PTPRG: variants seen among roughly 807,000 people sequenced by gnomAD.
The protein encoded by PTPRG is protein tyrosine phosphatase receptor type G, also known as receptor-type tyrosine-protein phosphatase gamma.
PTPRG carries 102 observed loss-of-function variants against 165.3 expected under a neutral mutation model. That is an observed-to-expected ratio of 0.62 (90% CI 0.53 to 0.73). The LOEUF is 0.73. PTPRG is among the 30% of genes least tolerant of loss of function. PTPRG has a pLI of 0.00. For synonymous variants in PTPRG, 675 were observed against 669.5 expected (o/e 1.01, Z -0.13); for missense variants, 1,866 against 1,861.4 (o/e 1.00, Z -0.05).
chr3:61,653,306 C>A (rs917615125), intron 1 of PTPRG, among the ~76,000 whole-genome samples: 3 of 151,994 alleles, frequency 2.0e-5, no homozygotes, highest in African/African-American at 4.8e-5. Flanking sequence ...TTCCCCATTT[C>A]TTTAAATTAT....
At chr3:62,123,956 AC>A (rs950321634) in intron 5 of PTPRG, among the ~76,000 whole-genome samples, 9 of 152,304 alleles carry the variant, frequency 5.9e-5, no homozygotes, top group African/African-American at 2.2e-4. Context: ...TATGAAAAAA[AC>A]CTTCCAACTG....
At chr3:61,867,645 CT>C (rs2037447660) in intron 2 of PTPRG, among the ~76,000 whole-genome samples, 1 of 152,098 alleles carries the variant, frequency 6.6e-6, no homozygotes, top group African/African-American at 2.4e-5. Flanking sequence ...GTTCCTATCT[CT>C]TGACAATCTA....
intron 2 of PTPRG, among the ~76,000 whole-genome samples, chr3:61,789,027 CATTTA>C (rs1356719483): frequency 6.6e-6 from 1 of 152,128 alleles, no homozygotes; most frequent in African/African-American, 2.4e-5. Context: ...TTTTTTCTTA[CATTTA>C]ATTTAACAAT....
In PTPRG at chr3:61,592,641, C is replaced by CTTTTT. The variant is rs773860673; in HGVS notation, c.85+30272_85+30273insTTTTT. ...CTTTTCTCTCTCTTTTTCTTTCTTT[C>CTTTTT]TTTCTTTCTTTTTTTTTTTTTTTAA... is the stretch of plus-strand genomic sequence containing the variant. On this transcript the variant is annotated intron_variant, in intron 1 of 29. Coordinates refer to ENST00000474889, the MANE Select transcript of PTPRG (RefSeq NM_002841.4). Among the ~76,000 whole-genome samples, 43 of 139,990 alleles carry CTTTTT rather than the reference C, an allele frequency of 3.1e-4. 2 individuals carry two copies. Among genetic ancestry groups the CTTTTT allele is most frequent in the African/African-American group, 7.4e-4 (26 of 35,300 alleles). The allele number at this position is 139,990 out of a possible 152,430, so 91.8% of individuals were successfully genotyped here.
intron 4 of PTPRG, among the ~76,000 whole-genome samples, chr3:62,016,406 T>C (rs2041545279): frequency 6.6e-6 from 1 of 152,128 alleles, no homozygotes; most frequent in Non-Finnish European, 1.5e-5. Flanking sequence ...GACCTCGTGA[T>C]TCGCCTGCCT....
At chr3:61,646,029 A>G (rs1160052105) in intron 1 of PTPRG, among the ~76,000 whole-genome samples, 2 of 152,230 alleles carry the variant, frequency 1.3e-5, no homozygotes, top group African/African-American at 2.4e-5. Context: ...TACAGACACA[A>G]ATAAGGACTC....
intron 5 of PTPRG, among the ~76,000 whole-genome samples, chr3:62,106,986 C>G (rs1438721159): frequency 6.6e-6 from 1 of 152,214 alleles, no homozygotes; most frequent in African/African-American, 2.4e-5. Context: ...ATTACCTTCA[C>G]TGGCAATATA....
chr3:61,909,859 T>C (rs1255221316), intron 2 of PTPRG, among the ~76,000 whole-genome samples: 3 of 152,198 alleles, frequency 2.0e-5, no homozygotes, highest in Non-Finnish European at 4.4e-5. Flanking sequence ...CGCTGATAAA[T>C]ATTAAAGTCT....
intron 2 of PTPRG, among the ~76,000 whole-genome samples, chr3:61,792,081 G>A (rs991822819): frequency 1.6e-4 from 24 of 152,142 alleles, no homozygotes; most frequent in Non-Finnish European, 2.8e-4. Context: ...ACCTCAGAGT[G>A]TAGGAGTTTT....
At chr3:61,903,464 C>G (rs1440380357) in intron 2 of PTPRG, among the ~76,000 whole-genome samples, 1 of 152,206 alleles carries the variant, frequency 6.6e-6, no homozygotes, top group Non-Finnish European at 1.5e-5. Flanking sequence ...ACCTCCGCCT[C>G]TCGGGTTCAG....
chr3:61,921,117 CTCCTTCCTTCCTTCCTTCCTTCCT>C (rs72298352), intron 2 of PTPRG, among the ~76,000 whole-genome samples: 34 of 148,504 alleles, frequency 2.3e-4, no homozygotes, highest in African/African-American at 3.0e-4. Flanking sequence ...TTCCATCCAT[CTCCTTCCTTCCTTCCTTCCTTCCT>C]TCCTTCCTTC....
intron 2 of PTPRG, among the ~76,000 whole-genome samples, chr3:61,783,321 C>T (rs1335384106): frequency 1.3e-5 from 2 of 152,138 alleles, no homozygotes; most frequent in Admixed American, 1.3e-4. Flanking sequence ...ACCTGGGTGA[C>T]AGAGTGAGAC....
intron 28 of PTPRG, among the ~76,000 whole-genome samples, chr3:62,290,042 T>C (rs765123848): frequency 6.6e-6 from 1 of 152,078 alleles, no homozygotes. Context: ...AATTTCACCA[T>C]GTGAAAATCA....
At chr3:61,788,069 G>C (rs567149003) in intron 2 of PTPRG, among the ~76,000 whole-genome samples, 8 of 152,104 alleles carry the variant, frequency 5.3e-5, no homozygotes, top group Non-Finnish European at 1.2e-4. Flanking sequence ...CCTGCTGCTT[G>C]TGTCTACCTG....
chr3:61,585,544 A>G (rs987915659), intron 1 of PTPRG, among the ~76,000 whole-genome samples: 1 of 152,094 alleles, frequency 6.6e-6, no homozygotes, highest in African/African-American at 2.4e-5. Flanking sequence ...CAGGTGTTGG[A>G]CACCAGCCTG....
chr3:62,000,739 T>C (rs1381162911), intron 3 of PTPRG, among the ~76,000 whole-genome samples: 1 of 150,964 alleles, frequency 6.6e-6, no homozygotes, highest in Non-Finnish European at 1.5e-5. Context: ...AGTATAACTT[T>C]CTCTGAAAAC....
chr3:61,713,327 A>ATTTTTT (rs556907427), intron 1 of PTPRG, among the ~76,000 whole-genome samples: 21 of 135,520 alleles, frequency 1.5e-4, no homozygotes, highest in Non-Finnish European at 2.4e-4. Context: ...CGCTCAGCTA[A>ATTTTTT]TTTTTTTTTT....
intron 1 of PTPRG, among the ~76,000 whole-genome samples, chr3:61,679,599 G>A (rs1409712573): frequency 6.6e-6 from 1 of 152,098 alleles, no homozygotes; most frequent in African/African-American, 2.4e-5. Context: ...AGCCACCACA[G>A]TGGAACCCTG....
intron 2 of PTPRG, among the ~76,000 whole-genome samples, chr3:61,945,735 T>G (rs1441771874): frequency 6.6e-6 from 1 of 152,168 alleles, no homozygotes; most frequent in Non-Finnish European, 1.5e-5. Flanking sequence ...TTTTGCTAAA[T>G]TAATAAGATC....
Sources: gnomAD v4.1 joint callset for allele counts (sites outside exome capture counted in the v4.1 genomes callset) on GRCh38, gnomAD v4.1.1 for gene constraint, MANE v1.5 for transcripts, NCBI Gene and HGNC (gene_info 2026-07-23, HGNC 2026-07-21) for gene names.